Variants in ITGA1 observed in about 807,000 individuals in gnomAD.
The protein encoded by ITGA1 is integrin subunit alpha 1.
A neutral mutation model predicts 145.9 loss-of-function variants in ITGA1; 85 were observed. The ratio of observed to expected loss-of-function variants is 0.58; its 90% CI spans 0.49 to 0.70. The LOEUF (loss-of-function observed/expected upper bound fraction) is 0.70. Ranked by LOEUF, ITGA1 falls within the 30% of genes least tolerant of loss-of-function variation. The pLI, the probability that ITGA1 is intolerant of heterozygous loss-of-function variation, is 0.00. For missense variants in ITGA1, 1,351 were observed against 1,418.7 expected (o/e 0.95, Z 0.77); for synonymous variants, 520 against 495.3 (o/e 1.05, Z -0.66).
intron 8 of ITGA1, chr5:52,890,013 C>A (rs1174839728): frequency 1.3e-5 from 2 of 151,848 alleles, no homozygotes; most frequent in African/African-American, 4.8e-5. Context: ...AAATTGTAAT[C>A]ATTTGTTGAA....
At chr5:52,949,402 C>T (rs977818607) in intron 28 of ITGA1, among the ~76,000 whole-genome samples, 8 of 152,178 alleles carry the variant, frequency 5.3e-5, no homozygotes, top group Non-Finnish European at 1.2e-4. Context: ...TATTATCACT[C>T]TGTGTTCTCT....
chr5:52,922,806 A>T lies in ITGA1; in HGVS notation c.2322A>T (p.Arg774Ser), dbSNP rs1312413557. 1 of 1,613,160 alleles carries T rather than the reference A, an allele frequency of 6.2e-7. No individual in the cohort carries two copies. ...LDKHDFQDSV[R>S]ITLDFNLTDP... ...AGCATGACTTTCAGGACTCTGTGAG[A>T]ATAACGTTGGACTTTAATCTTACCG... is the stretch of plus-strand genomic sequence containing the variant. The change falls in exon 18 of 29, where the codon AGA (arginine) becomes AGT (serine). Residue 774 changes from arginine to serine, a missense_variant. Physicochemically the swap from Arg to Ser is moderately radical, Grantham distance 110. Coordinates refer to ENST00000282588, the MANE Select transcript of ITGA1 (RefSeq NM_181501.2).
chr5:52,825,585 C>A (rs1178352201), intron 1 of ITGA1, among the ~76,000 whole-genome samples: 2 of 152,080 alleles, frequency 1.3e-5, no homozygotes, highest in Admixed American at 1.3e-4. Context: ...TCTCCCTTTT[C>A]TTGGGCCTCT....
Position 52,910,216 on chromosome 5 carries a change from T to G in ITGA1, c.1654T>G (p.Ser552Ala), listed in dbSNP as rs1750481996. 6.2e-7 allele frequency: 1 copy of G among 1,613,692 alleles called. No individual in the cohort carries two copies. Among genetic ancestry groups the G allele is most frequent in the African/African-American group, 1.3e-5 (1 of 74,912 alleles). The change falls in exon 14 of 29, where the codon TCT becomes GCT. Residue 552 changes from serine (S) to alanine (A), a missense_variant. Transcript: ENST00000282588. The stretch of plus-strand genomic sequence containing the variant: ...ACCTATTAAGCAGACGTGCTGTTCA[T>G]CTCGGCAGCACAATTCATGCACAAC... ...LEPIKQTCCSSRQHNSCTTEN... is the reference protein window; with the variant it reads ...LEPIKQTCCSARQHNSCTTEN...
intron 1 of ITGA1, chr5:52,824,416 C>G (rs766429812): frequency 2.0e-5 from 3 of 151,840 alleles, no homozygotes; most frequent in African/African-American, 7.3e-5. Flanking sequence ...CTCAGGGTCC[C>G]GAGTAGCTAG....
chr5:52,825,909 C>A lies in ITGA1; in HGVS notation c.62-23456C>A, dbSNP rs560579338. On this transcript the variant is annotated intron_variant, in intron 1 of 28. Transcript: ENST00000282588. ...CTCCAGCCTGGGTAACAGAGTGAGA[C>A]TCTGTCAAAGAAAAAAAAAAAAAAA... Among the ~76,000 whole-genome samples, 8 of 132,032 alleles carry A rather than the reference C, an allele frequency of 6.1e-5. No individual in the cohort carries two copies. The East Asian group carries it at 1.7e-3, about 29-fold the overall frequency. 86.6% of individuals were successfully genotyped at this position (132,032 alleles called of 152,430 possible). A position where few individuals can be genotyped will look rare whatever the true frequency, so the allele number is the denominator to read the frequency against.
At chr5:52,834,546 AAGAGAAAGAGAG>A (rs56923735) in intron 1 of ITGA1, among the ~76,000 whole-genome samples, 36,583 of 137,920 alleles carry the variant, frequency 0.27, 4,865 homozygotes, top group Non-Finnish European at 0.33. Flanking sequence ...AAGAGAAAGA[AAGAGAAAGAGAG>A]AGAGAAAGAG....
intron 6 of ITGA1, among the ~76,000 whole-genome samples, chr5:52,867,820 C>T (rs919447029): frequency 3.9e-5 from 6 of 152,030 alleles, no homozygotes; most frequent in African/African-American, 1.4e-4. Context: ...ACACACACAG[C>T]TCTCTAATTG....
intron 21 of ITGA1, among the ~76,000 whole-genome samples, chr5:52,930,011 G>A (rs1405809397): frequency 6.6e-6 from 1 of 152,072 alleles, no homozygotes; most frequent in African/African-American, 2.4e-5. Context: ...AAAATTTACT[G>A]ATAATTTAAA....
At chr5:52,829,823 C>A (rs1413079733) in intron 1 of ITGA1, among the ~76,000 whole-genome samples, 1 of 151,926 alleles carries the variant, frequency 6.6e-6, no homozygotes, top group Non-Finnish European at 1.5e-5. Flanking sequence ...TTGTTTCTGT[C>A]CTTAAGTGAT....
chr5:52,957,297 C>G lies in ITGA1; in HGVS notation c.*4846C>G, dbSNP rs1751319169. 1 of 152,078 alleles carries G rather than the reference C, an allele frequency of 6.6e-6. No individual in the cohort carries two copies. The highest frequency in any genetic ancestry group is 1.5e-5 in the Non-Finnish European group (1 of 68,034). The allele number at this position is 152,078 out of a possible 1,614,324, so 9.4% of individuals were successfully genotyped here. Reference sequence around the variant, plus strand: ...CATTATAAAGGGCCGATGCTTAACCCTTGAACCCACTACTGTTCTTATGCC... The same window carrying G: ...CATTATAAAGGGCCGATGCTTAACCGTTGAACCCACTACTGTTCTTATGCC... On this transcript the variant is annotated 3_prime_UTR_variant, in exon 29 of 29. Transcript: ENST00000282588.
chr5:52,821,360 G>A (rs187856334), intron 1 of ITGA1, among the ~76,000 whole-genome samples: 44 of 152,254 alleles, frequency 2.9e-4, no homozygotes, highest in Admixed American at 1.8e-3. Flanking sequence ...TTTTTAGACA[G>A]CTCTCCTCAC....
intron 1 of ITGA1, among the ~76,000 whole-genome samples, chr5:52,841,827 G>C (rs1749257671): frequency 6.6e-6 from 1 of 152,146 alleles, no homozygotes; most frequent in Admixed American, 6.5e-5. Context: ...GTTACAGTGA[G>C]AATATATGAC....
At chr5:52,821,213 A>C (rs933384644) in intron 1 of ITGA1, among the ~76,000 whole-genome samples, 3 of 152,206 alleles carry the variant, frequency 2.0e-5, no homozygotes, top group African/African-American at 7.2e-5. Context: ...ATTAAGATTA[A>C]GGATGACTGT....
intron 7 of ITGA1, among the ~76,000 whole-genome samples, chr5:52,884,587 G>A (rs1453058241): frequency 6.6e-6 from 1 of 152,156 alleles, no homozygotes; most frequent in Non-Finnish European, 1.5e-5. Flanking sequence ...GAGAGATAGG[G>A]CTCAGCTTTG....
At chr5:52,789,712 C>T (rs1748202225) in intron 1 of ITGA1, among the ~76,000 whole-genome samples, 1 of 152,206 alleles carries the variant, frequency 6.6e-6, no homozygotes, top group South Asian at 2.1e-4. Flanking sequence ...TATGATTCTT[C>T]TCCAACTCAA....
At chr5:52,939,542 C>T in intron 24 of ITGA1, 48 bp from the exon 25 acceptor site, 1 of 1,246,370 alleles carries the variant, frequency 8.0e-7, no homozygotes, top group Non-Finnish European at 1.2e-6. Flanking sequence ...TCATGTTTTT[C>T]CTCTGATATC....
chr5:52,791,182 G>C (rs1008130976), intron 1 of ITGA1, among the ~76,000 whole-genome samples: 1 of 152,184 alleles, frequency 6.6e-6, no homozygotes, highest in African/African-American at 2.4e-5. Context: ...AGCATAAACT[G>C]ATGTCACATA....
At chr5:52,927,893 TAGG>T (rs1750835822) in intron 20 of ITGA1, among the ~76,000 whole-genome samples, 1 of 152,130 alleles carries the variant, frequency 6.6e-6, no homozygotes, top group African/African-American at 2.4e-5. Flanking sequence ...ATGAGGCCTT[TAGG>T]AGGTCAGTAG....
Sources: gnomAD v4.1 joint callset for allele counts (sites outside exome capture counted in the v4.1 genomes callset) on GRCh38, gnomAD v4.1.1 for gene constraint, MANE v1.5 for transcripts, NCBI Gene and HGNC (gene_info 2026-07-23, HGNC 2026-07-21) for gene names.